The following PHTF1 variants were observed in gnomAD, a reference collection of about 807,000 sequenced individuals.
The protein encoded by PHTF1 is protein PHTF1.
Under a neutral mutation model 102.4 loss-of-function variants are expected in PHTF1, and 88 were observed. The ratio of observed to expected loss-of-function variants is 0.86; its 90% CI spans 0.72 to 1.03. The LOEUF is 1.03. Among genes scored for constraint, PHTF1 ranks in the 50% least tolerant of loss-of-function variants. The pLI, the probability that PHTF1 is intolerant of heterozygous loss-of-function variation, is 0.00. For missense variants in PHTF1, 814 were observed against 909.5 expected (o/e 0.89, Z 1.35); for synonymous variants, 289 against 305.2 (o/e 0.95, Z 0.55).
At chr1:113,704,214 G>A in intron 14 of PHTF1, 47 bp from the exon 15 acceptor site, 1 of 1,118,020 alleles carries the variant, frequency 8.9e-7, no homozygotes, top group East Asian at 2.4e-5. Context: ...CTGGCAGACA[G>A]CAACCGCCCT....
intron 16 of PHTF1, chr1:113,700,306 T>A: frequency 2.5e-6 from 1 of 398,648 alleles, no homozygotes; most frequent in Non-Finnish European, 3.4e-6. Flanking sequence ...ATGGAAAAAC[T>A]TGAAATTAAA....
chr1:113,719,261 C>T (rs2101318054), intron 7 of PHTF1, among the ~76,000 whole-genome samples: 1 of 152,108 alleles, frequency 6.6e-6, no homozygotes, highest in East Asian at 1.9e-4. Context: ...CCTCAGCCTC[C>T]CAAAGTGCTG....
At chr1:113,710,806 ATATATT>A (rs1650969763) in intron 10 of PHTF1, among the ~76,000 whole-genome samples, 1 of 87,504 alleles carries the variant, frequency 1.1e-5, no homozygotes, top group Non-Finnish European at 2.4e-5. Flanking sequence ...ATATATATAT[ATATATT>A]TTTTTTTTTT....
At chr1:113,712,216 C>A in intron 8 of PHTF1, 103 bp from the exon 9 acceptor site, 1 of 848,910 alleles carries the variant, frequency 1.2e-6, no homozygotes, top group Non-Finnish European at 1.8e-6. Context: ...TACCAAGCAG[C>A]AAAAGTAAAC....
At position 113,699,621 on chromosome 1, in the gene PHTF1, T is replaced by G. The variant is rs1649222450; in HGVS notation, c.2142+83A>C. On this transcript the variant is annotated intron_variant, in intron 17 of 18. Transcript: ENST00000369604. ...CCAGGACCCCTCCCAACCCAAGGTA[T>G]CATCTGCCATTTAATGTTTTCTTAG... 14 of 721,340 alleles carry G rather than the reference T, an allele frequency of 1.9e-5. No homozygotes were observed. In the East Asian group the frequency reaches 3.8e-4, roughly 19 times the overall value. 44.7% of individuals were successfully genotyped at this position (721,340 alleles called of 1,614,324 possible). A position where few individuals can be genotyped will look rare whatever the true frequency, so the allele number is the denominator to read the frequency against.
chr1:113,733,060 A>ATTTTTTTTTTTTTTTTTTTTT (rs386368123), intron 5 of PHTF1, among the ~76,000 whole-genome samples: 1 of 84,164 alleles, frequency 1.2e-5, no homozygotes, highest in Non-Finnish European at 2.1e-5. Context: ...CGCCTGGCTA[A>ATTTTTTTTTTTTTTTTTTTTT]TTTTTTTTTT....
At chr1:113,738,310 C>T in intron 4 of PHTF1, 42 bp from the exon 5 acceptor site, 2 of 1,547,176 alleles carry the variant, frequency 1.3e-6, no homozygotes, top group Non-Finnish European at 1.8e-6. Context: ...CATTTATATA[C>T]ACTGTATTGA....
chr1:113,733,060 A>ATTTTTTTTT (rs386368123), intron 5 of PHTF1, among the ~76,000 whole-genome samples: 55 of 84,166 alleles, frequency 6.5e-4, no homozygotes, highest in African/African-American at 1.2e-3. Flanking sequence ...CGCCTGGCTA[A>ATTTTTTTTT]TTTTTTTTTT....
At chr1:113,731,507 G>C (rs1018858352) in intron 5 of PHTF1, among the ~76,000 whole-genome samples, 19 of 151,688 alleles carry the variant, frequency 1.3e-4, no homozygotes, top group African/African-American at 4.6e-4. Flanking sequence ...CTCCAGCCTG[G>C]GAGTAAGAGT....
At chr1:113,723,001 A>G (rs1653226436) in intron 7 of PHTF1, among the ~76,000 whole-genome samples, 1 of 151,708 alleles carries the variant, frequency 6.6e-6, no homozygotes, top group Non-Finnish European at 1.5e-5. Context: ...AAGACCCAAA[A>G]TAACCAAAGC....
At chr1:113,708,899 G>C (rs1276824025) in intron 11 of PHTF1, among the ~76,000 whole-genome samples, 1 of 152,126 alleles carries the variant, frequency 6.6e-6, no homozygotes, top group African/African-American at 2.4e-5. Context: ...TAATTTAGAT[G>C]AATCTTCAGA....
intron 3 of PHTF1, among the ~76,000 whole-genome samples, chr1:113,739,094 C>T (rs1485703986): frequency 1.3e-5 from 2 of 152,146 alleles, no homozygotes; most frequent in Non-Finnish European, 2.9e-5. Context: ...CTCAGGTGAT[C>T]TACCCACCTC....
chr1:113,701,538 A>G (rs1265980034), intron 15 of PHTF1, among the ~76,000 whole-genome samples: 1 of 152,068 alleles, frequency 6.6e-6, no homozygotes, highest in Non-Finnish European at 1.5e-5. Flanking sequence ...ACATACAGAT[A>G]ATGCTCACAG....
chr1:113,710,927 T>A (rs1651003682), intron 10 of PHTF1, among the ~76,000 whole-genome samples: 1 of 151,734 alleles, frequency 6.6e-6, no homozygotes, highest in South Asian at 2.1e-4. Flanking sequence ...ATTACAGGCA[T>A]GAGCCACCAT....
rs778041552 is a variant in PHTF1, at chr1:113,706,171, TA to T, written c.1399-10del. ...TGCTGATAGGCATTGACCTGTGAAT[TA>T]ATTTAAAATTTCCACCATTATTGTG... On this transcript the variant is annotated splice_polypyrimidine_tract_variant and intron_variant, in intron 12 of 18. Coordinates refer to ENST00000369604, the MANE Select transcript of PHTF1 (RefSeq NM_001323043.2). 6.3e-7 allele frequency: 1 copy of T among 1,585,530 alleles called. No individual in the cohort carries two copies. The highest frequency in any genetic ancestry group is 8.6e-7 in the Non-Finnish European group (1 of 1,166,808).
rs552515329 is a variant in PHTF1, at chr1:113,755,572, A to C, written c.102+2127T>G. The stretch of plus-strand genomic sequence containing the variant: ...TACCCTATGAGAGAACGAGTAAAAA[A>C]TATGCATGATGGATAGGGTTCAATT... On this transcript the variant is annotated intron_variant, in intron 3 of 18. Coordinates refer to ENST00000369604, the MANE Select transcript of PHTF1 (RefSeq NM_001323043.2). 2.6e-5 allele frequency among the ~76,000 whole-genome samples: 4 copies of C among 152,352 alleles called. No homozygotes were observed. In the East Asian group the frequency reaches 7.7e-4, roughly 29 times the overall value.
chr1:113,734,512 T>C (rs1440573537), intron 5 of PHTF1, among the ~76,000 whole-genome samples: 1 of 152,228 alleles, frequency 6.6e-6, no homozygotes, highest in Admixed American at 6.5e-5. Context: ...TAGGATTCTG[T>C]GGAAAGTGAA....
chr1:113,721,291 A>G (rs1652901674), intron 7 of PHTF1, among the ~76,000 whole-genome samples: 1 of 152,238 alleles, frequency 6.6e-6, no homozygotes, highest in Admixed American at 6.5e-5. Flanking sequence ...AAAGCATTTG[A>G]TAACATTCAA....
rs762685915 is a variant in PHTF1, at chr1:113,706,668, T to C, written c.1324A>G (p.Ile442Val). ...TTGCACTCATTCCCCTCCCAGATTA[T>C]TGCACTAACTCGATCAGAGGAAGGA... The part of the protein sequence containing the change: ...SSPSSDRVSA[I>V]IWEGNECKKM... Residue 442 changes from isoleucine (I) to valine (V), a missense_variant, in exon 12 of 19, where the codon ATA becomes GTA. Physicochemically the swap from Ile to Val is conservative, Grantham distance 29. Coordinates refer to ENST00000369604, the MANE Select transcript of PHTF1 (RefSeq NM_001323043.2). 3.1e-6 allele frequency: 5 copies of C among 1,608,570 alleles called. No homozygotes were observed. Among genetic ancestry groups the C allele is most frequent in the East Asian group, 2.2e-5 (1 of 44,746 alleles).
Sources: gnomAD v4.1 joint callset for allele counts (sites outside exome capture counted in the v4.1 genomes callset) on GRCh38, gnomAD v4.1.1 for gene constraint, MANE v1.5 for transcripts, NCBI Gene and HGNC (gene_info 2026-07-23, HGNC 2026-07-21) for gene names.